PRPF6: variants seen among roughly 807,000 people sequenced by gnomAD.
PRPF6 encodes pre-mRNA-processing factor 6.
In PRPF6, 42 loss-of-function variants were observed where a neutral mutation model predicts 118.3. The ratio of observed to expected loss-of-function variants is 0.35; its 90% confidence interval spans 0.28 to 0.46. The LOEUF (loss-of-function observed/expected upper bound fraction) is 0.46, where lower values mean the gene tolerates loss of function less well. PRPF6 is among the 20% of genes least tolerant of loss of function. The pLI is 1.00. For missense variants in PRPF6, 662 were observed against 1,255.7 expected (o/e 0.53, Z 7.15); for synonymous variants, 481 against 485.1 (o/e 0.99, Z 0.11).
chr20:64,020,758 T>C (rs1037263279), intron 12 of PRPF6, among the ~76,000 whole-genome samples: 3 of 151,998 alleles, frequency 2.0e-5, no homozygotes, highest in Non-Finnish European at 4.4e-5. Context: ...TGTAACTTTT[T>C]ATCGTGGTAA....
Position 64,001,070 on chromosome 20 carries a change from C to A in PRPF6, c.1024-7C>A. 1.2e-6 allele frequency: 2 copies of A among 1,613,952 alleles called. No individual in the cohort carries two copies. The highest frequency in any genetic ancestry group is 1.6e-4 in the Middle Eastern group (1 of 6,062). ...GAGCCTTATTGGTCTTATCTCTTGC[C>A]TCACAGAGTGAAGATGTCTGGCTGG... On this transcript the variant is annotated splice_region_variant and splice_polypyrimidine_tract_variant and intron_variant, in intron 8 of 20. Transcript: ENST00000266079.
intron 9 of PRPF6, among the ~76,000 whole-genome samples, chr20:64,004,187 G>A (rs999442972): frequency 2.5e-4 from 38 of 152,330 alleles, no homozygotes; most frequent in Non-Finnish European, 4.1e-4. Flanking sequence ...TGCTGTTGGA[G>A]GCGGGGGCCT....
chr20:64,009,302 A>AAC (rs2059204386), intron 9 of PRPF6, among the ~76,000 whole-genome samples: 8 of 150,814 alleles, frequency 5.3e-5, no homozygotes, highest in Non-Finnish European at 8.9e-5. Context: ...AAAAAAAAAA[A>AAC]AGAGAGGTAT....
At chr20:64,005,527 C>T (rs1217159790) in intron 9 of PRPF6, among the ~76,000 whole-genome samples, 1 of 152,072 alleles carries the variant, frequency 6.6e-6, no homozygotes, top group Non-Finnish European at 1.5e-5. Context: ...TACTGCTGTG[C>T]CCTCTGCTGT....
chr20:64,021,988 C>CTGTGTGTG (rs111363019), intron 12 of PRPF6, among the ~76,000 whole-genome samples: 1,386 of 135,764 alleles, frequency 0.01, 19 homozygotes, highest in South Asian at 0.039. Flanking sequence ...GGCCACAGCC[C>CTGTGTGTG]TGTGTGTGTG....
intron 9 of PRPF6, among the ~76,000 whole-genome samples, chr20:64,007,135 C>T (rs909439793): frequency 1.3e-5 from 2 of 152,366 alleles, no homozygotes; most frequent in African/African-American, 4.8e-5. Context: ...CACCTGCCTT[C>T]CTTCCACACC....
chr20:63,994,838 TGA>T (rs2123005264), intron 4 of PRPF6, 76 bp from the exon 5 acceptor site: 1 of 1,577,196 alleles, frequency 6.3e-7, no homozygotes, highest in Non-Finnish European at 8.7e-7. Flanking sequence ...AGGCTAGGGG[TGA>T]GAGAGGGCAT....
Position 64,027,656 on chromosome 20 carries a change from G to A in PRPF6, c.2259G>A (p.Glu753=). 1 of 1,614,154 alleles carries A rather than the reference G, an allele frequency of 6.2e-7. No homozygotes were observed. The highest frequency in any genetic ancestry group is 8.5e-7 in the Non-Finnish European group (1 of 1,180,032). Residue 753 remains glutamate (E), a synonymous_variant, in exon 17 of 21, where the codon GAG becomes GAA. Coordinates refer to ENST00000266079, the MANE Select transcript of PRPF6 (RefSeq NM_012469.4). The surrounding 1 kb of genome is among the most constrained non-coding windows in gnomAD (Gnocchi z 6.5). ...TPLWLLLSRL[E]EKIGQLTRAR... ...TGTGGCTTTTGCTCTCTCGGCTGGAGGAGAAGATTGGGCAGCTTACTCGAG... is the reference window on the plus strand; with the variant it reads ...TGTGGCTTTTGCTCTCTCGGCTGGAAGAGAAGATTGGGCAGCTTACTCGAG...
intron 11 of PRPF6, among the ~76,000 whole-genome samples, chr20:64,013,585 A>T (rs760576146): frequency 4.6e-5 from 7 of 152,104 alleles, no homozygotes; most frequent in Non-Finnish European, 8.8e-5. Context: ...CTGGGACTAC[A>T]GGCGTGTGCC....
chr20:63,991,499 G>C (rs994478030), intron 3 of PRPF6, among the ~76,000 whole-genome samples: 2 of 152,086 alleles, frequency 1.3e-5, no homozygotes, highest in Non-Finnish European at 2.9e-5. Flanking sequence ...TTTTTAAAAA[G>C]TAGTGTACTT....
intron 12 of PRPF6, among the ~76,000 whole-genome samples, chr20:64,021,871 C>T (rs960604590): frequency 5.4e-5 from 8 of 148,100 alleles, no homozygotes; most frequent in South Asian, 2.2e-4. Flanking sequence ...GCATGTGCCT[C>T]GGCCACAGCC....
intron 20 of PRPF6, among the ~76,000 whole-genome samples, chr20:64,032,636 G>A (rs1421664047): frequency 1.3e-5 from 2 of 152,246 alleles, no homozygotes; most frequent in African/African-American, 4.8e-5. Flanking sequence ...AGGCTGGTGG[G>A]GTCCATGCTC....
chr20:64,022,765 C>G lies in PRPF6; in HGVS notation c.1656C>G (p.Ala552=). The stretch of plus-strand genomic sequence containing the variant: ...GTCTCTCTCTGCTCTAGTGTGTAGC[C>G]CACAATGCCCTGGAGTGTGCACGAG... The part of the protein sequence containing the change: ...TWMEDADSCV[A]HNALECARAI... Residue 552 remains alanine, a synonymous_variant, in exon 13 of 21, where the codon GCC becomes GCG. Transcript: ENST00000266079. The G allele has an allele frequency of 6.2e-7, 1 of 1,614,058 alleles. No individual in the cohort carries two copies. Among genetic ancestry groups the G allele is most frequent in the Non-Finnish European group, 8.5e-7 (1 of 1,180,004 alleles).
intron 12 of PRPF6, 94 bp downstream of exon 12, chr20:64,016,939 C>CT (rs371911604): frequency 0.056 from 70,128 of 1,259,158 alleles, 9 homozygotes; most frequent in Non-Finnish European, 0.062. Context: ...TTTTAAAACT[C>CT]TTTTTTTTTT....
At chr20:63,993,579 CT>C in intron 4 of PRPF6, 94 bp downstream of exon 4, 1 of 1,068,862 alleles carries the variant, frequency 9.4e-7, no homozygotes, top group Non-Finnish European at 1.4e-6. Flanking sequence ...ATTTATGAGA[CT>C]TTACGTTTTT....
chr20:63,985,139 C>G, intron 3 of PRPF6, 114 bp downstream of exon 3: 1 of 795,028 alleles, frequency 1.3e-6, no homozygotes, highest in Non-Finnish European at 2.1e-6. Context: ...TGAGGTAGGA[C>G]GATAGCTAGA....
At chr20:63,992,080 T>C (rs1601511846) in intron 3 of PRPF6, among the ~76,000 whole-genome samples, 2 of 152,066 alleles carry the variant, frequency 1.3e-5, no homozygotes, top group South Asian at 4.1e-4. Context: ...TGTTTTTCCT[T>C]GTAGGTGTTT....
At position 63,993,583 on chromosome 20, in the gene PRPF6, A is replaced by G. The variant is rs2059128232; in HGVS notation, c.438+98A>G. 2.9e-6 allele frequency: 3 copies of G among 1,024,120 alleles called. No homozygotes were observed. In the South Asian group the frequency reaches 4.0e-5, roughly 14 times the overall value. The allele number at this position is 1,024,120 out of a possible 1,614,324, so 63.4% of individuals were successfully genotyped here. ...TCTTACGTGGAATTTATGAGACTTT[A>G]CGTTTTTAATTTAGGGGGTCATTGC... On this transcript the variant is annotated intron_variant, in intron 4 of 20. Transcript: ENST00000266079.
chr20:64,010,161 C>A, intron 9 of PRPF6, 39 bp from the exon 10 acceptor site: 1 of 1,556,554 alleles, frequency 6.4e-7, no homozygotes, highest in South Asian at 1.1e-5. Context: ...GTTTTTATCT[C>A]CTTTTCTGTG....
Sources: gnomAD v4.1 joint callset for allele counts (sites outside exome capture counted in the v4.1 genomes callset) on GRCh38, gnomAD v4.1.1 for gene constraint, Gnocchi (gnomAD v3.1) non-coding constraint, MANE v1.5 for transcripts, NCBI Gene and HGNC (gene_info 2026-07-23, HGNC 2026-07-21) for gene names.